HEG1: variants seen among roughly 807,000 people sequenced by gnomAD.
HEG1 encodes the protein heart development protein with EGF like domains 1.
In HEG1, 56 loss-of-function variants were observed where a neutral mutation model predicts 125.6. The observed-to-expected ratio is 0.45, with a 90% CI of 0.36 to 0.56. The LOEUF is 0.56. Among genes scored for constraint, HEG1 ranks in the 20% least tolerant of loss-of-function variants. The pLI is 0.00. For synonymous variants in HEG1, 644 were observed against 668.5 expected, an observed-to-expected ratio of 0.96 and a Z score of 0.57; for missense variants, 1,523 against 1,670.0, an observed-to-expected ratio of 0.91 and a Z score of 1.53.
chr3:125,043,461 A>C (rs1937617795), intron 1 of HEG1, among the ~76,000 whole-genome samples: 1 of 152,084 alleles, frequency 6.6e-6, no homozygotes, highest in Non-Finnish European at 1.5e-5. Flanking sequence ...TCCTAGGGTC[A>C]AAGGTCAGAA....
chr3:124,994,569 G>A (rs1936888180), intron 12 of HEG1, among the ~76,000 whole-genome samples: 1 of 151,814 alleles, frequency 6.6e-6, no homozygotes, highest in Admixed American at 6.6e-5. Flanking sequence ...GCAGTGGCGG[G>A]ATCTCAGCTC....
At position 125,019,268 on chromosome 3, in the gene HEG1, G is replaced by T. The variant is rs776148618; in HGVS notation, c.1582C>A (p.Arg528Ser). The change falls in exon 5 of 17, where the codon CGT becomes AGT. Residue 528 changes from arginine to serine, a missense_variant. Arg to Ser is a moderately radical substitution (Grantham distance 110, BLOSUM62 -1). Transcript: ENST00000311127. ...SLNSSAPRGE[R>S]SIAGISYGQV... ...ATGAAATGGAAAAACTCACTCGAAC[G>T]TTCTCCACGTGGTGCTGATGAATTC... 6.2e-7 allele frequency: 1 copy of T among 1,605,314 alleles called. No homozygotes were observed. Among genetic ancestry groups the T allele is most frequent in the Non-Finnish European group, 8.5e-7 (1 of 1,172,574 alleles).
intron 1 of HEG1, among the ~76,000 whole-genome samples, chr3:125,039,453 C>A (rs1419960796): frequency 3.3e-5 from 5 of 152,020 alleles, no homozygotes; most frequent in Non-Finnish European, 7.4e-5. Context: ...CCTGGAGGGT[C>A]CACCCCACCC....
intron 1 of HEG1, among the ~76,000 whole-genome samples, chr3:125,042,560 A>G (rs1937602147): frequency 6.6e-6 from 1 of 152,236 alleles, no homozygotes; most frequent in Non-Finnish European, 1.5e-5. Flanking sequence ...GACCATGTTA[A>G]TAAGTCCCTA....
chr3:125,019,082 G>A (rs1937295756), intron 5 of HEG1, among the ~76,000 whole-genome samples, 180 bp downstream of exon 5: 2 of 152,064 alleles, frequency 1.3e-5, no homozygotes, highest in South Asian at 4.1e-4. Flanking sequence ...AGGTCAGTCA[G>A]GTCTTGAACC....
rs1320791035 is a variant in HEG1 at position 124,997,935 on chromosome 3, G to A, written c.3518-112C>T. The A allele has an allele frequency of 6.4e-6, 8 of 1,253,494 alleles. No homozygotes were observed. In the African/African-American group the frequency reaches 9.1e-5, roughly 14 times the overall value. The allele number at this position is 1,253,494 out of a possible 1,614,324, so 77.6% of individuals were successfully genotyped here. A position where few individuals can be genotyped will look rare whatever the true frequency, so the allele number is the denominator to read the frequency against. On this transcript the variant is annotated intron_variant, in intron 11 of 16. Coordinates refer to ENST00000311127, the MANE Select transcript of HEG1 (RefSeq NM_020733.2). ...TCTGCATGAACTCTCTATTTCAAGA[G>A]GCTGAGAACAGTTTTCCGAAAAGTC...
intron 1 of HEG1, among the ~76,000 whole-genome samples, chr3:125,050,266 C>A (rs1389571957): frequency 6.6e-6 from 1 of 151,946 alleles, no homozygotes; most frequent in African/African-American, 2.4e-5. Flanking sequence ...GCCTCAGCCT[C>A]CTGAGTAGCT....
At chr3:124,972,380 A>C (rs988860214) in intron 16 of HEG1, among the ~76,000 whole-genome samples, 2 of 152,206 alleles carry the variant, frequency 1.3e-5, no homozygotes, top group East Asian at 3.8e-4. Context: ...CAATGCAGAA[A>C]TATCAATGGG....
rs775698938 is a variant in HEG1 at position 125,046,426 on chromosome 3, CACACACACAT to C, written c.316+9139_316+9148del. On this transcript the variant is annotated intron_variant, in intron 1 of 16. Coordinates refer to ENST00000311127, the MANE Select transcript of HEG1 (RefSeq NM_020733.2). ...ACACACACACACACACACACACACA[CACACACACAT>C]ATATATTTTTTTAATTATACAGATG... is the stretch of plus-strand genomic sequence containing the variant. Among the ~76,000 whole-genome samples, 919 of 124,476 alleles carry C rather than the reference CACACACACAT, an allele frequency of 7.4e-3. 6 individuals are homozygous for C. Among genetic ancestry groups the C allele is most frequent in the African/African-American group, 0.026 (824 of 31,698 alleles). The allele number at this position is 124,476 out of a possible 152,430, so 81.7% of individuals were successfully genotyped here. A position where few individuals can be genotyped will look rare whatever the true frequency, so the allele number is the denominator to read the frequency against.
chr3:124,990,776 T>C lies in HEG1; in HGVS notation c.3733+11A>G. ...CTGCCCACGCATAATGGTCCACTTT[T>C]GTACACTTACGGTTTCCACAGTTGA... On this transcript the variant is annotated intron_variant, in intron 14 of 16. Transcript: ENST00000311127. 1 of 1,558,446 alleles carries C rather than the reference T, an allele frequency of 6.4e-7. No homozygotes were observed.
chr3:125,002,000 C>T lies in HEG1; in HGVS notation c.3369G>A (p.Ala1123=), dbSNP rs759452008. 99 of 1,613,954 alleles carry T rather than the reference C, an allele frequency of 6.1e-5. No individual in the cohort carries two copies. The highest frequency in any genetic ancestry group is 4.8e-4 in the Admixed American group (29 of 60,012). The change falls in exon 11 of 17, where the codon GCG becomes GCA. Residue 1123 remains alanine (A), a synonymous_variant. Transcript: ENST00000311127. ...AGGTTGTTTGCAGTGAGATCACCAC[C>T]GCGTTGGACTCCCTATAGGCAAAGT... The part of the protein sequence containing the change: ...STVHASRESN[A]VVISLQTTFS...
At chr3:125,020,378 A>T (rs1937317236) in intron 4 of HEG1, among the ~76,000 whole-genome samples, 1 of 152,210 alleles carries the variant, frequency 6.6e-6, no homozygotes, top group East Asian at 1.9e-4. Context: ...GTGAGCCGTA[A>T]TCATGCCAAT....
chr3:125,045,971 A>G (rs989679289), intron 1 of HEG1, among the ~76,000 whole-genome samples: 2 of 152,192 alleles, frequency 1.3e-5, no homozygotes, highest in Admixed American at 6.5e-5. Context: ...GTGCTTTCAC[A>G]GTCATAATTA....
rs184791871 is a variant in HEG1 at position 125,004,841 on chromosome 3, G to A, written c.3297+424C>T. ...ATCAGGATTAACTGCTGCACCTTTG[G>A]CATTCCTTTGAGGAAAAAGAGTATC... On this transcript the variant is annotated intron_variant, in intron 9 of 16. Transcript: ENST00000311127. Among the ~76,000 whole-genome samples, 20 of 152,252 alleles carry A rather than the reference G, an allele frequency of 1.3e-4. 1 individual carries two copies. The highest frequency in any genetic ancestry group is 1.3e-3 in the Admixed American group (20 of 15,294).
In HEG1 at chr3:125,013,934, T is replaced by TGG; in HGVS notation, c.1643_1644dup (p.Ser549ProfsTer155). The TGG allele has an allele frequency of 6.2e-7, 1 of 1,613,096 alleles. No individual in the cohort carries two copies. Among genetic ancestry groups the TGG allele is most frequent in the Non-Finnish European group, 8.5e-7 (1 of 1,179,646 alleles). ...AGGTAGGTGTGGTCTGTGTGGTCGCTGGAAGTCCTTTGTTCAATAGCTGTG... is the reference window on the plus strand; with the variant it reads ...AGGTAGGTGTGGTCTGTGTGGTCGCTGGGGAAGTCCTTTGTTCAATAGCTGTG... On this transcript the variant is annotated frameshift_variant, in exon 6 of 17. Coordinates refer to ENST00000311127, the MANE Select transcript of HEG1 (RefSeq NM_020733.2). LOFTEE classifies it high-confidence loss of function.
intron 1 of HEG1, among the ~76,000 whole-genome samples, chr3:125,045,372 C>T (rs1466255535): frequency 6.6e-6 from 1 of 152,200 alleles, no homozygotes; most frequent in Admixed American, 6.5e-5. Context: ...ACAACTCTCT[C>T]CCTCTGGACT....
chr3:125,048,712 G>A (rs1937735442), intron 1 of HEG1, among the ~76,000 whole-genome samples: 1 of 152,196 alleles, frequency 6.6e-6, no homozygotes, highest in Non-Finnish European at 1.5e-5. Flanking sequence ...CGAGTAAGGT[G>A]ACCTGAGTTA....
At chr3:124,999,495 C>T (rs1336730022) in intron 11 of HEG1, among the ~76,000 whole-genome samples, 1 of 152,188 alleles carries the variant, frequency 6.6e-6, no homozygotes, top group Non-Finnish European at 1.5e-5. Context: ...GCCAGAGTTG[C>T]CTGGCCTGAT....
At chr3:124,985,027 A>G (rs1936716087) in intron 14 of HEG1, among the ~76,000 whole-genome samples, 1 of 152,238 alleles carries the variant, frequency 6.6e-6, no homozygotes, top group South Asian at 2.1e-4. Flanking sequence ...GTGAGATCCA[A>G]TTTCTGTTAA....
Sources: gnomAD v4.1 joint callset for allele counts (sites outside exome capture counted in the v4.1 genomes callset) on GRCh38, gnomAD v4.1.1 for gene constraint, MANE v1.5 for transcripts, NCBI Gene and HGNC (gene_info 2026-07-23, HGNC 2026-07-21) for gene names.